Variants in CMKLR2 observed in about 807,000 individuals in gnomAD.
CMKLR2 encodes chemerin chemokine-like receptor 2.
In CMKLR2, 18 loss-of-function variants were observed where a neutral mutation model predicts 23.0. That is an observed-to-expected ratio of 0.78 (90% CI 0.54 to 1.16). CMKLR2 has a LOEUF of 1.16. Among genes scored for constraint, CMKLR2 ranks in the 50% most tolerant of loss-of-function variants. CMKLR2 has a pLI of 0.00. For missense variants in CMKLR2, 401 were observed against 412.7 expected (o/e 0.97, Z 0.25); for synonymous variants, 158 against 158.9 (o/e 0.99, Z 0.05).
chr2:206,176,884 A>G lies in CMKLR2; in HGVS notation c.364T>C (p.Phe122Leu). Residue 122 changes from phenylalanine (F) to leucine (L), a missense_variant, in exon 2 of 2, where the codon TTT (phenylalanine) becomes CTT (leucine). Coordinates refer to ENST00000621141, the MANE Select transcript of CMKLR2 (RefSeq NM_001389445.1). Reference sequence around the variant, plus strand: ...ACTGTCAGGAAAAAAACACTGGCAAACATGTTCAACTGGGCAGTGAAGGAA... The same window carrying G: ...ACTGTCAGGAAAAAAACACTGGCAAGCATGTTCAACTGGGCAGTGAAGGAA... Reference protein sequence around the residue: ...ANSFTAQLNMFASVFFLTVIS... With the variant: ...ANSFTAQLNMLASVFFLTVIS... The G allele has an allele frequency of 1.9e-6, 3 of 1,614,188 alleles. No individual in the cohort carries two copies. The highest frequency in any genetic ancestry group is 1.1e-5 in the South Asian group (1 of 91,082).
At chr2:206,212,434 C>T (rs1559101766) in intron 1 of CMKLR2, among the ~76,000 whole-genome samples, 1 of 150,518 alleles carries the variant, frequency 6.6e-6, no homozygotes, top group Non-Finnish European at 1.5e-5. Context: ...ATTAATTTAA[C>T]AACAGGTTTG....
chr2:206,177,224 T>C lies in CMKLR2; in HGVS notation c.24A>G (p.Leu8=). 1 of 1,603,754 alleles carries C rather than the reference T, an allele frequency of 6.2e-7. No individual in the cohort carries two copies. The highest frequency in any genetic ancestry group is 8.5e-7 in the Non-Finnish European group (1 of 1,173,704). MEDLEET[L]FEEFENYSYD... The stretch of plus-strand genomic sequence containing the variant: ...AGGAATAGTTTTCAAATTCTTCAAA[T>C]AATGTTTCCTCCAAATCTTCCATGA... The change falls in exon 2 of 2, where the codon TTA becomes TTG. Residue 8 remains leucine, a synonymous_variant. Coordinates refer to ENST00000621141, the MANE Select transcript of CMKLR2 (RefSeq NM_001389445.1).
At chr2:206,183,049 T>C (rs1376870237) in intron 1 of CMKLR2, among the ~76,000 whole-genome samples, 1 of 152,140 alleles carries the variant, frequency 6.6e-6, no homozygotes, top group Admixed American at 6.6e-5. Context: ...GGGATCTCAC[T>C]CTGCCCTCTC....
intron 1 of CMKLR2, among the ~76,000 whole-genome samples, chr2:206,213,103 T>C (rs923351882): frequency 5.3e-5 from 8 of 152,238 alleles, no homozygotes; most frequent in Non-Finnish European, 2.9e-5. Context: ...GCGAACCCTG[T>C]AGGATCGTCC....
rs1449364415 is a variant in CMKLR2 at position 206,176,776 on chromosome 2, T to G, written c.472A>C (p.Ile158Leu). The G allele has an allele frequency of 6.2e-7, 1 of 1,613,976 alleles. No individual in the cohort carries two copies. The highest frequency in any genetic ancestry group is 8.5e-7 in the Non-Finnish European group (1 of 1,180,018). Residue 158 changes from isoleucine to leucine, a missense_variant, in exon 2 of 2, where the codon ATT (isoleucine) becomes CTT (leucine). Ile to Leu is a conservative substitution (Grantham distance 5, BLOSUM62 2). Transcript: ENST00000621141. ...GAAGCCAAAAGCCAGATGAATATAA[T>G]GACAATCAGAGAGTTCTTGAGGGTT... is the stretch of plus-strand genomic sequence containing the variant. The part of the protein sequence containing the change: ...HRTLKNSLIV[I>L]IFIWLLASLI...
At position 206,194,033 on chromosome 2, in the gene CMKLR2, T is replaced by C. The variant is rs370754865; in HGVS notation, c.-28-16758A>G. Among the ~76,000 whole-genome samples the C allele has an allele frequency of 1.1e-3, 165 of 152,294 alleles. 7 individuals carry two copies. In the South Asian group the frequency reaches 0.033, roughly 31 times the overall value. The stretch of plus-strand genomic sequence containing the variant: ...ATTTACATCAAGATACTTCCTCTCT[T>C]AAAGAAAGAGAAGGCTTTCTCCTAA... On this transcript the variant is annotated intron_variant, in intron 1 of 1. Coordinates refer to ENST00000621141, the MANE Select transcript of CMKLR2 (RefSeq NM_001389445.1).
intron 1 of CMKLR2, among the ~76,000 whole-genome samples, chr2:206,192,648 A>G (rs902320974): frequency 6.6e-6 from 1 of 152,052 alleles, no homozygotes; most frequent in Admixed American, 6.6e-5. Context: ...TATTTCATAA[A>G]CTGAAACAAG....
At chr2:206,204,476 C>G (rs993608806) in intron 1 of CMKLR2, among the ~76,000 whole-genome samples, 1 of 151,822 alleles carries the variant, frequency 6.6e-6, no homozygotes, top group Admixed American at 6.6e-5. Flanking sequence ...AGCAAATTCT[C>G]GGGCTTCTAG....
At position 206,177,044 on chromosome 2, in the gene CMKLR2, C is replaced by A; in HGVS notation, c.204G>T (p.Lys68Asn). The A allele has an allele frequency of 1.2e-6, 2 of 1,614,182 alleles. No homozygotes were observed. Among genetic ancestry groups the A allele is most frequent in the Non-Finnish European group, 1.7e-6 (2 of 1,180,028 alleles). The change falls in exon 2 of 2, where the codon AAG (lysine) becomes AAT (asparagine). Residue 68 changes from lysine (K) to asparagine (N), a missense_variant. Lys to Asn is a moderately conservative substitution (Grantham distance 94). Coordinates refer to ENST00000621141, the MANE Select transcript of CMKLR2 (RefSeq NM_001389445.1). ...IVIWFTGFKW[K>N]KTVTTLWFLN... is the part of the protein sequence containing the mutation. Reference sequence around the variant, plus strand: ...GGAACCACAGAGTGGTGACTGTCTTCTTCCACTTGAACCCCGTGAACCAAA... The same window carrying A: ...GGAACCACAGAGTGGTGACTGTCTTATTCCACTTGAACCCCGTGAACCAAA...
intron 1 of CMKLR2, among the ~76,000 whole-genome samples, chr2:206,205,372 A>C (rs781503921): frequency 7.9e-5 from 12 of 152,120 alleles, no homozygotes; most frequent in Non-Finnish European, 1.2e-4. Context: ...ATACGACTTT[A>C]TTTCTTTCTT....
At chr2:206,214,695 C>T (rs1174158313), upstream of CMKLR2, among the ~76,000 whole-genome samples, 3 of 152,016 alleles carry the variant, frequency 2.0e-5, no homozygotes, top group Non-Finnish European at 2.9e-5. Flanking sequence ...ACGATCTCGG[C>T]TCACTGCAAG....
rs192582521 is a variant in CMKLR2, at chr2:206,206,642, G to C, written c.-29+6665C>G. On this transcript the variant is annotated intron_variant, in intron 1 of 1. Coordinates refer to ENST00000621141, the MANE Select transcript of CMKLR2 (RefSeq NM_001389445.1). ...TTAGAGCAACTGTTACTACATATGT[G>C]GAGGCTTATTTCAAGAATGTCTGTC... Among the ~76,000 whole-genome samples the C allele has an allele frequency of 7.9e-4, 120 of 152,268 alleles. 1 individual carries two copies. The highest frequency in any genetic ancestry group is 6.8e-3 in the Middle Eastern group (2 of 294).
At chr2:206,195,193 C>T (rs903787521) in intron 1 of CMKLR2, among the ~76,000 whole-genome samples, 3 of 152,086 alleles carry the variant, frequency 2.0e-5, no homozygotes, top group Middle Eastern at 3.2e-3. Flanking sequence ...CACTGGAAAA[C>T]AAAAGCAGTG....
At position 206,195,592 on chromosome 2, in the gene CMKLR2, G is replaced by A. The variant is rs147824425; in HGVS notation, c.-29+17715C>T. Among the ~76,000 whole-genome samples, 440 of 152,214 alleles carry A rather than the reference G, an allele frequency of 2.9e-3. 1 individual carries two copies. Among genetic ancestry groups the A allele is most frequent in the Non-Finnish European group, 4.6e-3 (314 of 68,008 alleles). On this transcript the variant is annotated intron_variant, in intron 1 of 1. Coordinates refer to ENST00000621141, the MANE Select transcript of CMKLR2 (RefSeq NM_001389445.1). Reference sequence around the variant, plus strand: ...GCAAGACTCTATGATAATGGATATCGTTTTTGAGCTCTTATTCTCTATTTA... The same window carrying A: ...GCAAGACTCTATGATAATGGATATCATTTTTGAGCTCTTATTCTCTATTTA...
chr2:206,214,676 T>C (rs1362933356), upstream of CMKLR2, among the ~76,000 whole-genome samples: 1 of 151,996 alleles, frequency 6.6e-6, no homozygotes, highest in African/African-American at 2.4e-5. Flanking sequence ...CAGGATGGAG[T>C]GCAGTGGCAC....
upstream of CMKLR2, among the ~76,000 whole-genome samples, chr2:206,215,677 T>G (rs1175671060): frequency 2.0e-5 from 3 of 152,224 alleles, no homozygotes; most frequent in Non-Finnish European, 4.4e-5. Context: ...CCTTATAGTT[T>G]GAGGTATGTT....
chr2:206,201,127 T>G (rs1440171315), intron 1 of CMKLR2, among the ~76,000 whole-genome samples: 1 of 152,140 alleles, frequency 6.6e-6, no homozygotes, highest in Non-Finnish European at 1.5e-5. Flanking sequence ...AATTTTTGTA[T>G]TTTTTGCAGC....
chr2:206,193,181 C>T (rs994598194), intron 1 of CMKLR2, among the ~76,000 whole-genome samples: 1 of 152,168 alleles, frequency 6.6e-6, no homozygotes, highest in Admixed American at 6.5e-5. Flanking sequence ...CCACTGCAAC[C>T]TCCACCTCCT....
chr2:206,177,380 G>C, intron 1 of CMKLR2, 105 bp from the exon 2 acceptor site: 1 of 616,572 alleles, frequency 1.6e-6, no homozygotes, highest in African/African-American at 1.9e-5. Context: ...TTATGGACCA[G>C]ACATAGTATT....
Sources: gnomAD v4.1 joint callset for allele counts (sites outside exome capture counted in the v4.1 genomes callset) on GRCh38, gnomAD v4.1.1 for gene constraint, MANE v1.5 for transcripts, NCBI Gene and HGNC (gene_info 2026-07-23, HGNC 2026-07-21) for gene names.